Variants in PITPNB observed in about 807,000 individuals in gnomAD.
PITPNB encodes the protein phosphatidylinositol transfer protein beta, also known as phosphatidylinositol transfer protein beta isoform.
Under a neutral mutation model 45.9 loss-of-function variants are expected in PITPNB, and 16 were observed. That is an observed-to-expected ratio of 0.35 (90% CI 0.24 to 0.53). The LOEUF (loss-of-function observed/expected upper bound fraction) is 0.53, where lower values mean the gene tolerates loss of function less well. PITPNB is among the 20% of genes least tolerant of loss of function. The probability of loss-of-function intolerance (pLI) is 0.93; values close to 1 mark genes in which losing one functional copy is unlikely to be tolerated. For synonymous variants in PITPNB, 112 were observed against 108.9 expected, an observed-to-expected ratio of 1.03 and a Z score of -0.18; for missense variants, 188 against 330.5, an observed-to-expected ratio of 0.57 and a Z score of 3.34.
chr22:27,897,770 G>A, intron 4 of PITPNB, 31 bp downstream of exon 4: 1 of 1,349,364 alleles, frequency 7.4e-7, no homozygotes, highest in Non-Finnish European at 1.1e-6. Flanking sequence ...CAGGGTGGAG[G>A]GGTGCAATGG....
At chr22:27,856,974 C>T (rs983482066) in intron 10 of PITPNB, among the ~76,000 whole-genome samples, 84 of 152,164 alleles carry the variant, frequency 5.5e-4, no homozygotes, top group African/African-American at 2.0e-3. Context: ...GGGAGAGAGG[C>T]CTAGAAAGAA....
At chr22:27,855,028 T>C (rs1934131606) in intron 10 of PITPNB, 89 bp from the exon 11 acceptor site, 7 of 885,094 alleles carry the variant, frequency 7.9e-6, no homozygotes, top group Non-Finnish European at 1.3e-5. Context: ...TAGAAGAGAT[T>C]ATGAAGTGAT....
intron 7 of PITPNB, among the ~76,000 whole-genome samples, chr22:27,875,081 A>G (rs1934782805): frequency 1.3e-5 from 2 of 152,234 alleles, no homozygotes; most frequent in Non-Finnish European, 2.9e-5. Context: ...AGTAATTCCT[A>G]AAGAGAAAGT....
rs1935381071 is a variant in PITPNB, at chr22:27,894,577, T to C, written c.434A>G (p.Asp145Gly). 2.5e-6 allele frequency: 4 copies of C among 1,589,724 alleles called. No individual in the cohort carries two copies. Among genetic ancestry groups the C allele is most frequent in the Non-Finnish European group, 3.5e-6 (4 of 1,158,654 alleles). The part of the protein sequence containing the change: ...TVEIVHIDIA[D>G]RSQVEPADYK... The stretch of plus-strand genomic sequence containing the variant: ...TACTGCTGGTTCAACTTGACTTCTA[T>C]CTGCAATATCTATATGGACAATTTC... The change falls in exon 7 of 12, where the codon GAT becomes GGT. Residue 145 changes from aspartate (D) to glycine (G), a missense_variant. By Grantham distance (94) the Asp-to-Gly change is moderately conservative. Transcript: ENST00000335272.
intron 3 of PITPNB, among the ~76,000 whole-genome samples, chr22:27,905,901 ATTTC>A (rs749079177): frequency 2.6e-5 from 4 of 152,232 alleles, no homozygotes; most frequent in Non-Finnish European, 2.9e-5. Context: ...GTTACAACAC[ATTTC>A]TTTGTCTTGC....
At chr22:27,918,673 GC>G (rs777254830) in intron 1 of PITPNB, among the ~76,000 whole-genome samples, 8 of 152,222 alleles carry the variant, frequency 5.3e-5, no homozygotes, top group Non-Finnish European at 1.0e-4. Context: ...ACTTCAAGGC[GC>G]CAGCGTCCCA....
At chr22:27,876,514 A>T (rs996006152) in intron 7 of PITPNB, among the ~76,000 whole-genome samples, 8 of 152,224 alleles carry the variant, frequency 5.3e-5, no homozygotes, top group Admixed American at 5.2e-4. Flanking sequence ...GTTTTACGTT[A>T]GTTTGAATAT....
Position 27,858,485 on chromosome 22 carries a change from A to T in PITPNB, c.670T>A (p.Phe224Ile). ...QKQEKRIFTNFHRQLFCWIDK... is the reference protein window; with the variant it reads ...QKQEKRIFTNIHRQLFCWIDK... ...ATCCAACAAAAAAGCTGGCGATGGA[A>T]GTTTGTAAATATCCGTTTTTCTTGC... is the stretch of plus-strand genomic sequence containing the variant. The change falls in exon 10 of 12, where the codon TTC becomes ATC. Residue 224 changes from phenylalanine to isoleucine, a missense_variant. Coordinates refer to ENST00000335272, the MANE Select transcript of PITPNB (RefSeq NM_012399.5). The T allele has an allele frequency of 1.2e-6, 2 of 1,611,568 alleles. No individual in the cohort carries two copies. Among genetic ancestry groups the T allele is most frequent in the Non-Finnish European group, 1.7e-6 (2 of 1,178,984 alleles).
intron 3 of PITPNB, 195 bp downstream of exon 3, chr22:27,910,768 GA>G: frequency 2.1e-6 from 1 of 485,082 alleles, no homozygotes; most frequent in Non-Finnish European, 3.7e-6. Context: ...GTTTTTATCT[GA>G]ATTTTTGTTA....
At chr22:27,858,328 A>T (rs907036800) in intron 10 of PITPNB, 59 bp downstream of exon 10, 8 of 1,282,670 alleles carry the variant, frequency 6.2e-6, no homozygotes, top group Middle Eastern at 3.8e-4. Flanking sequence ...TTTACCAAGC[A>T]TGTATACAGT....
At chr22:27,908,169 A>T (rs1935818153) in intron 3 of PITPNB, among the ~76,000 whole-genome samples, 1 of 151,482 alleles carries the variant, frequency 6.6e-6, no homozygotes, top group South Asian at 2.1e-4. Context: ...TGTTTCAAAA[A>T]TCATATTTAA....
At chr22:27,853,788 G>A in intron 11 of PITPNB, 125 bp from the exon 12 acceptor site, 2 of 692,046 alleles carry the variant, frequency 2.9e-6, no homozygotes, top group Non-Finnish European at 2.6e-6. Flanking sequence ...CCCAACTACT[G>A]CATCTTACAA....
chr22:27,872,090 T>G (rs930608972), intron 8 of PITPNB, among the ~76,000 whole-genome samples: 7 of 134,174 alleles, frequency 5.2e-5, no homozygotes, highest in African/African-American at 8.6e-5. Context: ...GGTTTTTTTT[T>G]TTTTTTTTTT....
At chr22:27,918,080 G>A (rs1343395436) in intron 1 of PITPNB, among the ~76,000 whole-genome samples, 2 of 152,184 alleles carry the variant, frequency 1.3e-5, no homozygotes, top group African/African-American at 4.8e-5. Flanking sequence ...AATGGGCAAG[G>A]AAAAGGTAGT....
At chr22:27,911,450 A>G (rs1051374934) in intron 2 of PITPNB, among the ~76,000 whole-genome samples, 7 of 152,252 alleles carry the variant, frequency 4.6e-5, no homozygotes, top group Admixed American at 4.6e-4. Flanking sequence ...TACTTTACAA[A>G]GCATTTTCAC....
rs146235194 is a variant in PITPNB at position 27,870,709 on chromosome 22, A to T, written c.534+3029T>A. Among the ~76,000 whole-genome samples the T allele has an allele frequency of 6.8e-3, 1,031 of 152,294 alleles. 7 individuals carry two copies. Among genetic ancestry groups the T allele is most frequent in the African/African-American group, 0.023 (937 of 41,560 alleles). On this transcript the variant is annotated intron_variant, in intron 8 of 11. Coordinates refer to ENST00000335272, the MANE Select transcript of PITPNB (RefSeq NM_012399.5). The stretch of plus-strand genomic sequence containing the variant: ...TGCTACCCTCAGTGCCTCCACCAGG[A>T]CAGTAATTGGCAAAGAGGGCCTGCT...
intron 6 of PITPNB, among the ~76,000 whole-genome samples, chr22:27,895,695 A>G (rs1247136119): frequency 6.6e-6 from 1 of 152,232 alleles, no homozygotes; most frequent in Admixed American, 6.5e-5. Flanking sequence ...ATTAACTGGC[A>G]TCAATAACGT....
intron 7 of PITPNB, among the ~76,000 whole-genome samples, chr22:27,880,157 C>A (rs1372604503): frequency 2.6e-5 from 4 of 152,112 alleles, no homozygotes; most frequent in Admixed American, 6.5e-5. Context: ...CCAGAGTCCA[C>A]CATCACTGAG....
chr22:27,865,037 T>C (rs565003996), intron 8 of PITPNB, among the ~76,000 whole-genome samples: 3 of 152,294 alleles, frequency 2.0e-5, no homozygotes, highest in South Asian at 4.1e-4. Flanking sequence ...TATCTATGTA[T>C]GGTACAAACA....
Sources: allele counts gnomAD v4.1 joint callset (sites outside exome capture counted in the v4.1 genomes callset), GRCh38; gene constraint gnomAD v4.1.1; transcripts MANE v1.5; gene names NCBI Gene and HGNC (gene_info 2026-07-23, HGNC 2026-07-21).